Variants in TEDC2 observed in about 807,000 individuals in gnomAD.
TEDC2 encodes tubulin epsilon and delta complex protein 2.
Under a neutral mutation model 48.1 loss-of-function variants are expected in TEDC2, and 49 were observed. That is an observed-to-expected ratio of 1.02 (90% CI 0.81 to 1.29). The LOEUF (loss-of-function observed/expected upper bound fraction) is 1.29, where lower values mean the gene tolerates loss of function less well. TEDC2 is among the 50% of genes most tolerant of loss of function. The pLI is 0.00. For missense variants in TEDC2, 631 were observed against 571.4 expected (o/e 1.10, Z -1.06); for synonymous variants, 299 against 247.1 (o/e 1.21, Z -1.97).
At position 2,464,647 on chromosome 16, in the gene TEDC2, G is replaced by A. The variant is rs1332112569; in HGVS notation, c.1281G>A (p.Leu427=). The A allele has an allele frequency of 6.2e-7, 1 of 1,613,026 alleles. No homozygotes were observed. The part of the protein sequence containing the change: ...CEGGARVLTI[L]RDEPAV ...GAGGAGCACGTGTCCTTACCATCCT[G>A]CGGGATGAACCTGCAGTCTGAGCCT... is the stretch of plus-strand genomic sequence containing the variant. Residue 427 remains leucine, a synonymous_variant, in exon 10 of 10, where the codon CTG becomes CTA. Coordinates refer to ENST00000361837, the MANE Select transcript of TEDC2 (RefSeq NM_025108.3).
chr16:2,461,042 C>T lies in TEDC2; in HGVS notation c.423C>T (p.Gly141=). 1.9e-6 allele frequency: 3 copies of T among 1,608,982 alleles called. No homozygotes were observed. Among genetic ancestry groups the T allele is most frequent in the Middle Eastern group, 1.7e-4 (1 of 6,046 alleles). ...CTTCAGACACGAGACCCACCAAGGG[C>T]CTCCGCCAGACCACGGTGCCTGCCA... ...GHASDTRPTK[G]LRQTTVPAKG... The change falls in exon 4 of 10, where the codon GGC becomes GGT. Residue 141 remains glycine (G), a synonymous_variant. Transcript: ENST00000361837.
chr16:2,460,499 T>G, intron 2 of TEDC2, 118 bp downstream of exon 2: 3 of 1,504,458 alleles, frequency 2.0e-6, no homozygotes, highest in Admixed American at 4.5e-5. Context: ...GGGTTGTCAG[T>G]GCCACCCTCC....
chr16:2,464,445 G>A, intron 9 of TEDC2, 77 bp from the exon 10 acceptor site: 1 of 1,440,688 alleles, frequency 6.9e-7, no homozygotes, highest in South Asian at 1.4e-5. Context: ...GAAGCATGGG[G>A]GCCTCGAAGC....
chr16:2,461,885 A>C (rs902059906), intron 5 of TEDC2, 85 bp downstream of exon 5: 2 of 1,516,294 alleles, frequency 1.3e-6, no homozygotes, highest in African/African-American at 2.7e-5. Flanking sequence ...GATACTTTCC[A>C]GTGGGTCTCT....
Position 2,462,666 on chromosome 16 carries a change from C to T in TEDC2, c.898C>T (p.Leu300Phe). 2 of 1,547,910 alleles carry T rather than the reference C, an allele frequency of 1.3e-6. No individual in the cohort carries two copies. Among genetic ancestry groups the T allele is most frequent in the Non-Finnish European group, 1.7e-6 (2 of 1,147,298 alleles). ...MDWMQEYRCL[L>F]TLEGLQAMVG... ...CTGGATGCAGGAGTACCGCTGCCTG[C>T]TCACGCTGGAGGGGCTGCAGGCCAT... The change falls in exon 8 of 10, where the codon CTC becomes TTC. Residue 300 changes from leucine to phenylalanine, a missense_variant. Physicochemically the swap from Leu to Phe is conservative, Grantham distance 22. Coordinates refer to ENST00000361837, the MANE Select transcript of TEDC2 (RefSeq NM_025108.3).
intron 9 of TEDC2, 127 bp from the exon 10 acceptor site, chr16:2,464,395 C>T: frequency 7.6e-7 from 1 of 1,323,848 alleles, no homozygotes; most frequent in Admixed American, 2.4e-5. Flanking sequence ...GCTGGGACGG[C>T]AGGAGGGAGC....
Position 2,460,675 on chromosome 16 carries a change from G to A in TEDC2, c.178G>A (p.Gly60Arg), listed in dbSNP as rs1307253506. ...LKPPPGPETN[G>R]EDPLPACTPS... Reference sequence around the variant, plus strand: ...GCCACCTCCAGGGCCAGAAACTAATGGAGAGGACCCCCTTCCAGGTAAACC... The same window carrying A: ...GCCACCTCCAGGGCCAGAAACTAATAGAGAGGACCCCCTTCCAGGTAAACC... Residue 60 changes from glycine (G) to arginine (R), a missense_variant, in exon 3 of 10, where the codon GGA becomes AGA. By Grantham distance (125) the Gly-to-Arg change is moderately radical. Coordinates refer to ENST00000361837, the MANE Select transcript of TEDC2 (RefSeq NM_025108.3). The A allele has an allele frequency of 6.2e-7, 1 of 1,613,054 alleles. No homozygotes were observed. Among genetic ancestry groups the A allele is most frequent in the Non-Finnish European group, 8.5e-7 (1 of 1,180,000 alleles).
rs780606469 is a variant in TEDC2, at chr16:2,464,076, G to A, written c.1002G>A (p.Gly334=). 8.7e-6 allele frequency: 14 copies of A among 1,612,840 alleles called. No individual in the cohort carries two copies. The highest frequency in any genetic ancestry group is 1.0e-5 in the Non-Finnish European group (12 of 1,179,982). ...AEQPPRPCPV[G]RPPGASPSCG... ...AGCCACCAAGACCATGTCCTGTGGG[G>A]AGGCCCCCCGGAGCCTCGCCGTCCT... Residue 334 remains glycine (G), a synonymous_variant, in exon 9 of 10, where the codon GGG becomes GGA. Transcript: ENST00000361837.
Position 2,462,629 on chromosome 16 carries a change from A to G in TEDC2, c.863-2A>G, listed in dbSNP as rs1376928748. On this transcript the variant is annotated splice_acceptor_variant, in intron 7 of 9. Coordinates refer to ENST00000361837, the MANE Select transcript of TEDC2 (RefSeq NM_025108.3). LOFTEE classifies it high-confidence loss of function. Reference sequence around the variant, plus strand: ...CACCTGCTCTCCCTGACTCTTCTGCAGCCCCCATGGACTGGATGCAGGAGT... The same window carrying G: ...CACCTGCTCTCCCTGACTCTTCTGCGGCCCCCATGGACTGGATGCAGGAGT... 1 of 1,542,992 alleles carries G rather than the reference A, an allele frequency of 6.5e-7. No individual in the cohort carries two copies. Among genetic ancestry groups the G allele is most frequent in the Non-Finnish European group, 8.7e-7 (1 of 1,143,896 alleles).
chr16:2,464,757 C>T lies in TEDC2; in HGVS notation c.*89C>T. On this transcript the variant is annotated 3_prime_UTR_variant, in exon 10 of 10. Coordinates refer to ENST00000361837, the MANE Select transcript of TEDC2 (RefSeq NM_025108.3). ...GCTCGGGGACCCAGAGATGCCTGTG[C>T]TTCCCTGGGAAACCTGGTGAACTGG... is the stretch of plus-strand genomic sequence containing the variant. 1.3e-6 allele frequency: 2 copies of T among 1,540,352 alleles called. No individual in the cohort carries two copies. Among genetic ancestry groups the T allele is most frequent in the Non-Finnish European group, 1.8e-6 (2 of 1,135,976 alleles).
intron 8 of TEDC2, among the ~76,000 whole-genome samples, chr16:2,463,519 T>G (rs1454048676): frequency 6.6e-6 from 1 of 151,054 alleles, no homozygotes; most frequent in East Asian, 1.9e-4. Flanking sequence ...CCCAGCTACT[T>G]GGGAGGCTGA....
rs779241897 is a variant in TEDC2, at chr16:2,464,498, GGCCCT to G, written c.1156-9_1156-5del. The G allele has an allele frequency of 5.9e-6, 9 of 1,535,066 alleles. No individual in the cohort carries two copies. Among genetic ancestry groups the G allele is most frequent in the South Asian group, 1.2e-5 (1 of 80,094 alleles). On this transcript the variant is annotated intron_variant, in intron 9 of 9. Transcript: ENST00000361837. Reference sequence around the variant, plus strand: ...CCCGCCTAGGTGCCCCTGAGACCTTGGCCCTGCCCTGCCCTGCCCCCAGGTCCTGA... The same window carrying G: ...CCCGCCTAGGTGCCCCTGAGACCTTGGCCCTGCCCTGCCCCCAGGTCCTGA...
intron 4 of TEDC2, 45 bp downstream of exon 4, chr16:2,461,269 C>T (rs1274773045): frequency 1.4e-5 from 20 of 1,434,460 alleles, no homozygotes; most frequent in East Asian, 2.6e-5. Flanking sequence ...GTCTCTGCCT[C>T]CTCAGACCCT....
Position 2,461,771 on chromosome 16 carries a change from AT to A in TEDC2, c.632del (p.Phe211SerfsTer67). 6.2e-7 allele frequency: 1 copy of A among 1,613,316 alleles called. No individual in the cohort carries two copies. Among genetic ancestry groups the A allele is most frequent in the South Asian group, 1.1e-5 (1 of 91,088 alleles). On this transcript the variant is annotated frameshift_variant, in exon 5 of 10. Transcript: ENST00000361837. LOFTEE classifies it high-confidence loss of function. Reference sequence around the variant, plus strand: ...GGCACCTGCTGCGGCTGCCTGCGGCATTCAGGAAAGCAGCTTCCCAGAACTC... The same window carrying A: ...GGCACCTGCTGCGGCTGCCTGCGGCATCAGGAAAGCAGCTTCCCAGAACTC... ...KGHLLRLPAA[F>X]RKAASQNSSL...
intron 5 of TEDC2, 94 bp downstream of exon 5, chr16:2,461,894 C>T (rs1242760881): frequency 5.5e-6 from 8 of 1,458,236 alleles, no homozygotes; most frequent in Non-Finnish European, 7.7e-6. Flanking sequence ...CAGTGGGTCT[C>T]TTTGTCCTCT....
At position 2,464,694 on chromosome 16, in the gene TEDC2, G is replaced by T. The variant is rs745505001; in HGVS notation, c.*26G>T. 6.8e-6 allele frequency: 11 copies of T among 1,611,942 alleles called. No homozygotes were observed. Among genetic ancestry groups the T allele is most frequent in the Non-Finnish European group, 8.5e-6 (10 of 1,179,698 alleles). ...GCCTTTCCCATGCTGCCCTCGGCCT[G>T]TTCAGATGGGGATTGGGGGTGTCTT... On this transcript the variant is annotated 3_prime_UTR_variant, in exon 10 of 10. Coordinates refer to ENST00000361837, the MANE Select transcript of TEDC2 (RefSeq NM_025108.3).
rs2065483920 is a variant in TEDC2, at chr16:2,464,054, C to T, written c.980C>T (p.Pro327Leu). Residue 327 changes from proline to leucine, a missense_variant, in exon 9 of 10, where the codon CCA (proline) becomes CTA (leucine). Coordinates refer to ENST00000361837, the MANE Select transcript of TEDC2 (RefSeq NM_025108.3). ...QELRAAVAEQ[P>L]PRPCPVGRPP... Reference sequence around the variant, plus strand: ...GTGCACACAGCGGTGGCGGAACAGCCACCAAGACCATGTCCTGTGGGGAGG... The same window carrying T: ...GTGCACACAGCGGTGGCGGAACAGCTACCAAGACCATGTCCTGTGGGGAGG... 3 of 1,612,512 alleles carry T rather than the reference C, an allele frequency of 1.9e-6. No individual in the cohort carries two copies. Among genetic ancestry groups the T allele is most frequent in the Non-Finnish European group, 2.5e-6 (3 of 1,179,760 alleles).
chr16:2,463,978 G>A, intron 8 of TEDC2, 61 bp from the exon 9 acceptor site: 1 of 1,545,498 alleles, frequency 6.5e-7, no homozygotes, highest in Non-Finnish European at 8.8e-7. Flanking sequence ...CAGGCACACA[G>A]GAAAAGCGGG....
intron 8 of TEDC2, among the ~76,000 whole-genome samples, chr16:2,463,603 G>A (rs1254224977): frequency 6.6e-6 from 1 of 151,606 alleles, no homozygotes; most frequent in Non-Finnish European, 1.5e-5. Flanking sequence ...CTCCAGCCTG[G>A]GTGACAGAGT....
Sources: allele counts gnomAD v4.1 joint callset (sites outside exome capture counted in the v4.1 genomes callset), GRCh38; gene constraint gnomAD v4.1.1; transcripts MANE v1.5; gene names NCBI Gene and HGNC (gene_info 2026-07-23, HGNC 2026-07-21).